The following RAD51B variants were observed in gnomAD, a reference collection of about 807,000 sequenced individuals.
The protein encoded by RAD51B is DNA repair protein RAD51 homolog 2.
A neutral mutation model predicts 42.2 loss-of-function variants in RAD51B; 38 were observed. That is an observed-to-expected ratio of 0.90 (90% CI 0.70 to 1.18). RAD51B has a LOEUF of 1.18. Ranked by LOEUF, RAD51B falls within the 50% of genes most tolerant of loss-of-function variation. The pLI is 0.00. For synonymous variants in RAD51B, 154 were observed against 145.2 expected, an observed-to-expected ratio of 1.06 and a Z score of -0.43; for missense variants, 373 against 400.7, an observed-to-expected ratio of 0.93 and a Z score of 0.59.
intron 10 of RAD51B, among the ~76,000 whole-genome samples, chr14:68,568,566 G>T (rs1259128371): frequency 6.6e-6 from 1 of 152,136 alleles, no homozygotes; most frequent in East Asian, 1.9e-4. Context: ...GCTCTTCCAA[G>T]GGCTGGGTGG....
At chr14:68,630,300 C>G (rs1415651779) in intron 10 of RAD51B, among the ~76,000 whole-genome samples, 1 of 152,170 alleles carries the variant, frequency 6.6e-6, no homozygotes, top group African/African-American at 2.4e-5. Context: ...GCAACACTAA[C>G]TGTCCTTTCA....
At chr14:68,599,577 C>T (rs187451114), downstream of RAD51B, among the ~76,000 whole-genome samples, 10 of 152,300 alleles carry the variant, frequency 6.6e-5, no homozygotes, top group Admixed American at 5.9e-4. Flanking sequence ...TTTCTTCTCA[C>T]GACCTCCCAT....
chr14:68,441,399 G>A (rs915107502), intron 9 of RAD51B, among the ~76,000 whole-genome samples: 2 of 143,290 alleles, frequency 1.4e-5, no homozygotes, highest in Non-Finnish European at 3.1e-5. Context: ...AAAATTAGCC[G>A]GGCGCGGTGG....
intron 11 of RAD51B, among the ~76,000 whole-genome samples, chr14:68,680,835 A>G (rs1252342888): frequency 6.6e-6 from 1 of 152,084 alleles, no homozygotes; most frequent in Non-Finnish European, 1.5e-5. Flanking sequence ...AGTGAGGCCC[A>G]GAGGCGTTCA....
chr14:68,047,271 G>A (rs541747972), intron 7 of RAD51B, among the ~76,000 whole-genome samples: 1 of 152,202 alleles, frequency 6.6e-6, no homozygotes, highest in South Asian at 2.1e-4. Context: ...GAAGAAAAGT[G>A]GTCTTGTTAT....
chr14:68,099,019 A>G (rs911975024), intron 7 of RAD51B, among the ~76,000 whole-genome samples: 3 of 152,174 alleles, frequency 2.0e-5, no homozygotes, highest in African/African-American at 7.2e-5. Flanking sequence ...AGCATTGTTT[A>G]TTATTTAACC....
chr14:68,306,225 TTCTCTC>T (rs1312131917), intron 8 of RAD51B, among the ~76,000 whole-genome samples: 5 of 152,226 alleles, frequency 3.3e-5, no homozygotes, highest in Non-Finnish European at 7.3e-5. Flanking sequence ...TTTAATTAAT[TTCTCTC>T]TCCATTTTGG....
intron 7 of RAD51B, among the ~76,000 whole-genome samples, chr14:67,956,168 T>C (rs1035843747): frequency 2.0e-5 from 3 of 152,228 alleles, no homozygotes; most frequent in Non-Finnish European, 4.4e-5. Context: ...AGAGTCAGTA[T>C]TCCCTTTCAG....
At chr14:68,249,046 C>G (rs1220459387) in intron 7 of RAD51B, among the ~76,000 whole-genome samples, 2 of 152,200 alleles carry the variant, frequency 1.3e-5, no homozygotes, top group Admixed American at 1.3e-4. Context: ...AAGATGCTGC[C>G]CTCACTAACT....
chr14:68,097,191 C>T (rs1343618551), intron 7 of RAD51B, among the ~76,000 whole-genome samples: 3 of 151,918 alleles, frequency 2.0e-5, no homozygotes, highest in Non-Finnish European at 2.9e-5. Context: ...AATTAGTCTC[C>T]TTATAATTTG....
chr14:68,545,503 T>C (rs1888176932), intron 10 of RAD51B: 1 of 454,736 alleles, frequency 2.2e-6, no homozygotes, highest in Non-Finnish European at 4.4e-6. Context: ...CCCTTGTCTT[T>C]AATGCCTTAA....
At chr14:67,843,085 C>T (rs1055209219) in intron 4 of RAD51B, among the ~76,000 whole-genome samples, 16 of 151,070 alleles carry the variant, frequency 1.1e-4, no homozygotes, top group Admixed American at 2.0e-4. Context: ...TATTTTCTTG[C>T]AGATTTTTGC....
Position 68,603,290 on chromosome 14 carries a change from A to C in RAD51B, c.1037-7716A>C, listed in dbSNP as rs191065599. On this transcript the variant is annotated intron_variant, in intron 10 of 10. Transcript: ENST00000487861. ...TAGGGCGTCACTTATGAAATCATAA[A>C]CTGTAGTGCCAAATCTGCTTCCACT... Among the ~76,000 whole-genome samples, 10 of 152,328 alleles carry C rather than the reference A, an allele frequency of 6.6e-5. No individual in the cohort carries two copies. In the East Asian group the frequency reaches 1.9e-3, roughly 29 times the overall value.
At chr14:68,227,830 C>G (rs1178046176) in intron 7 of RAD51B, among the ~76,000 whole-genome samples, 1 of 152,150 alleles carries the variant, frequency 6.6e-6, no homozygotes, top group East Asian at 1.9e-4. Flanking sequence ...GGCATGCCTA[C>G]ATAACGGCTT....
At chr14:67,950,700 C>A (rs2074427616) in intron 7 of RAD51B, among the ~76,000 whole-genome samples, 1 of 152,184 alleles carries the variant, frequency 6.6e-6, no homozygotes. Context: ...TTTGATACGT[C>A]TTCCTCATTA....
At chr14:68,156,364 G>A (rs1221419313) in intron 7 of RAD51B, among the ~76,000 whole-genome samples, 2 of 151,850 alleles carry the variant, frequency 1.3e-5, no homozygotes, top group African/African-American at 4.8e-5. Flanking sequence ...AGTTTTTTAT[G>A]CCTTTTTGTG....
chr14:68,295,997 C>G (rs1314854945), intron 8 of RAD51B, among the ~76,000 whole-genome samples: 1 of 152,126 alleles, frequency 6.6e-6, no homozygotes, highest in Non-Finnish European at 1.5e-5. Flanking sequence ...GAAGTGTACA[C>G]AGAGTGAGAA....
At chr14:68,639,281 T>C (rs1892406172) in intron 10 of RAD51B, among the ~76,000 whole-genome samples, 1 of 152,188 alleles carries the variant, frequency 6.6e-6, no homozygotes, top group Non-Finnish European at 1.5e-5. Context: ...CTGGAGTAAT[T>C]CAAGAATCCT....
At chr14:68,112,027 T>C (rs1395905485) in intron 7 of RAD51B, among the ~76,000 whole-genome samples, 1 of 152,106 alleles carries the variant, frequency 6.6e-6, no homozygotes, top group Non-Finnish European at 1.5e-5. Context: ...GGCTAGCTCA[T>C]AATAGGATCT....
Sources: gnomAD v4.1 joint callset for allele counts (sites outside exome capture counted in the v4.1 genomes callset) on GRCh38, gnomAD v4.1.1 for gene constraint, MANE v1.5 for transcripts, NCBI Gene and HGNC (gene_info 2026-07-23, HGNC 2026-07-21) for gene names.